The following RAPGEF5 variants were observed in gnomAD, a reference collection of about 807,000 sequenced individuals.
RAPGEF5 encodes M-Ras-regulated GEF.
Under a neutral mutation model 125.2 loss-of-function variants are expected in RAPGEF5, and 65 were observed. The observed-to-expected ratio is 0.52, with a 90% CI of 0.43 to 0.64. The LOEUF is 0.64. RAPGEF5 is among the 30% of genes least tolerant of loss of function. The pLI is 0.00. For missense variants in RAPGEF5, 958 were observed against 1,048.1 expected (o/e 0.91, Z 1.19); for synonymous variants, 391 against 385.9 (o/e 1.01, Z -0.16).
chr7:22,129,811 C>T (rs1398121946), intron 24 of RAPGEF5, among the ~76,000 whole-genome samples: 1 of 152,142 alleles, frequency 6.6e-6, no homozygotes, highest in Non-Finnish European at 1.5e-5. Context: ...GCAAGATATT[C>T]CAAGACTGTA....
At chr7:22,170,633 G>A (rs1369384391) in intron 11 of RAPGEF5, among the ~76,000 whole-genome samples, 1 of 152,136 alleles carries the variant, frequency 6.6e-6, no homozygotes, top group Non-Finnish European at 1.5e-5. Flanking sequence ...TTCCATTCCA[G>A]AACAACCTTA....
chr7:22,181,297 GA>G (rs1429861123), intron 11 of RAPGEF5, among the ~76,000 whole-genome samples: 1 of 152,122 alleles, frequency 6.6e-6, no homozygotes, highest in Non-Finnish European at 1.5e-5. Flanking sequence ...CATAACAGGT[GA>G]AGAATATTGA....
At chr7:22,264,713 C>T (rs1003605596) in intron 7 of RAPGEF5, among the ~76,000 whole-genome samples, 14 of 152,160 alleles carry the variant, frequency 9.2e-5, no homozygotes, top group Non-Finnish European at 1.9e-4. Context: ...AAATCAGAGG[C>T]TTTCCAATCC....
chr7:22,168,866 C>T (rs899733551), intron 11 of RAPGEF5, among the ~76,000 whole-genome samples: 2 of 152,034 alleles, frequency 1.3e-5, no homozygotes, highest in African/African-American at 4.8e-5. Context: ...TTAAAATGAA[C>T]CAAGGGTGTT....
intron 1 of RAPGEF5, among the ~76,000 whole-genome samples, chr7:22,330,291 G>A (rs1218285262): frequency 6.6e-6 from 1 of 152,184 alleles, no homozygotes; most frequent in Non-Finnish European, 1.5e-5. Flanking sequence ...AAGGATGTTG[G>A]CACTAATGCT....
intron 23 of RAPGEF5, among the ~76,000 whole-genome samples, 185 bp downstream of exon 23, chr7:22,135,853 C>T (rs894750474): frequency 3.9e-5 from 6 of 152,114 alleles, no homozygotes; most frequent in African/African-American, 1.2e-4. Flanking sequence ...AACACAATTA[C>T]GTATTCTAGG....
intron 18 of RAPGEF5, among the ~76,000 whole-genome samples, chr7:22,148,496 G>A (rs1783516706): frequency 6.6e-6 from 1 of 152,146 alleles, no homozygotes; most frequent in Non-Finnish European, 1.5e-5. Context: ...AGTAGGTACT[G>A]GTGTTTTCAG....
At chr7:22,241,937 A>C (rs1242290269) in intron 7 of RAPGEF5, among the ~76,000 whole-genome samples, 2 of 152,194 alleles carry the variant, frequency 1.3e-5, no homozygotes, top group African/African-American at 2.4e-5. Context: ...TTTAAGTCCC[A>C]GATCTTGACC....
chr7:22,291,760 T>C (rs1343334542), intron 5 of RAPGEF5, among the ~76,000 whole-genome samples: 3 of 152,218 alleles, frequency 2.0e-5, no homozygotes, highest in Non-Finnish European at 4.4e-5. Context: ...TATGGCTTTG[T>C]ATTTGCTTTC....
At chr7:22,308,050 A>G (rs76307617) in intron 5 of RAPGEF5, among the ~76,000 whole-genome samples, 498 of 152,320 alleles carry the variant, frequency 3.3e-3, no homozygotes, top group Non-Finnish European at 5.3e-3. Context: ...AAGCCCAATC[A>G]TATGTTTTTT....
At chr7:22,203,230 G>A (rs1221885575) in intron 9 of RAPGEF5, among the ~76,000 whole-genome samples, 3 of 152,224 alleles carry the variant, frequency 2.0e-5, no homozygotes, top group Admixed American at 6.5e-5. Flanking sequence ...GAGGGCTAGG[G>A]ATGATGAAAT....
At chr7:22,308,803 T>C (rs1210953898) in intron 4 of RAPGEF5, among the ~76,000 whole-genome samples, 1 of 152,136 alleles carries the variant, frequency 6.6e-6, no homozygotes, top group Non-Finnish European at 1.5e-5. Flanking sequence ...TGGGGAGAAA[T>C]CTTTTTTAGT....
In RAPGEF5 at chr7:22,189,285, G is replaced by A. The variant is rs569272281; in HGVS notation, c.1204+4082C>T. ...ACCTGTCGTAACACAGATTCAGAAA[G>A]AAAAATCAGTAAGAAGGGGTTTCTC... On this transcript the variant is annotated intron_variant, in intron 11 of 25. Transcript: ENST00000665637. Among the ~76,000 whole-genome samples the A allele has an allele frequency of 8.5e-5, 13 of 152,064 alleles. No individual in the cohort carries two copies. In the South Asian group the frequency reaches 1.2e-3, roughly 15 times the overall value.
intron 7 of RAPGEF5, among the ~76,000 whole-genome samples, chr7:22,242,947 CAAAAAAA>C (rs537954162): frequency 0.048 from 3,143 of 65,800 alleles, 133 homozygotes; most frequent in African/African-American, 0.14. Flanking sequence ...AACTCCGTCT[CAAAAAAA>C]AAAAAAAAAA....
At chr7:22,262,684 G>A (rs1047312917) in intron 7 of RAPGEF5, among the ~76,000 whole-genome samples, 1 of 152,114 alleles carries the variant, frequency 6.6e-6, no homozygotes, top group Non-Finnish European at 1.5e-5. Context: ...CAACCCAGAT[G>A]TCCTTCAATT....
intron 11 of RAPGEF5, among the ~76,000 whole-genome samples, 189 bp from the exon 12 acceptor site, chr7:22,167,337 T>C (rs1170353259): frequency 6.6e-6 from 1 of 152,222 alleles, no homozygotes; most frequent in Non-Finnish European, 1.5e-5. Context: ...AAACTCCTTA[T>C]ATCAAATGCC....
chr7:22,290,435 A>G (rs1230432394), intron 6 of RAPGEF5, among the ~76,000 whole-genome samples: 3 of 152,200 alleles, frequency 2.0e-5, no homozygotes, highest in African/African-American at 7.2e-5. Flanking sequence ...TACAAAGTCT[A>G]ATCAATAGCT....
At position 22,315,373 on chromosome 7, in the gene RAPGEF5, T is replaced by G. The variant is rs1381007344; in HGVS notation, c.386A>C (p.Tyr129Ser). ...AGGTGTTAGAAAACTGTGTTACCTG[T>G]AAAACCCCTTGAGGTTCACTCTGTC... is the stretch of plus-strand genomic sequence containing the variant. ...IKDRVNLKGF[Y>S]RRSCVGSELV... Residue 129 changes from tyrosine to serine, a missense_variant, in exon 3 of 26, where the codon TAC becomes TCC. By Grantham distance (144) the Tyr-to-Ser change is moderately radical. Transcript: ENST00000665637. 1 of 1,542,120 alleles carries G rather than the reference T, an allele frequency of 6.5e-7. No homozygotes were observed. The highest frequency in any genetic ancestry group is 1.2e-5 in the South Asian group (1 of 83,354).
intron 6 of RAPGEF5, among the ~76,000 whole-genome samples, chr7:22,288,909 C>T (rs1782865435): frequency 6.6e-6 from 1 of 152,114 alleles, no homozygotes; most frequent in Non-Finnish European, 1.5e-5. Flanking sequence ...ATCTGTTGTT[C>T]AAAAAAATCT....
Sources: gnomAD v4.1 joint callset for allele counts (sites outside exome capture counted in the v4.1 genomes callset) on GRCh38, gnomAD v4.1.1 for gene constraint, MANE v1.5 for transcripts, NCBI Gene and HGNC (gene_info 2026-07-23, HGNC 2026-07-21) for gene names.